ASAH2: variants seen among roughly 807,000 people sequenced by gnomAD.
ASAH2 encodes the protein neutral ceramidase.
A neutral mutation model predicts 82.9 loss-of-function variants in ASAH2; 58 were observed. That is an observed-to-expected ratio of 0.70 (90% CI 0.57 to 0.87). ASAH2 has a LOEUF of 0.87. Ranked by LOEUF, ASAH2 falls within the 40% of genes least tolerant of loss-of-function variation. The pLI is 0.00. For synonymous variants in ASAH2, 276 were observed against 289.7 expected (o/e 0.95, Z 0.48); for missense variants, 779 against 834.0 (o/e 0.93, Z 0.81).
chr10:50,203,570 T>C, intron 15 of ASAH2, 70 bp downstream of exon 15: 1 of 1,295,694 alleles, frequency 7.7e-7, no homozygotes, highest in Non-Finnish European at 1.1e-6. Flanking sequence ...TATAGGATCA[T>C]AGGGATAGGA....
chr10:50,203,004 G>T, intron 15 of ASAH2, 80 bp from the exon 16 acceptor site: 1 of 970,752 alleles, frequency 1.0e-6, no homozygotes, highest in Non-Finnish European at 1.7e-6. Context: ...TAACACACAA[G>T]CATTGATTAC....
chr10:50,213,354 G>A (rs1232668100), intron 9 of ASAH2, among the ~76,000 whole-genome samples: 15 of 152,088 alleles, frequency 9.9e-5, no homozygotes, highest in Non-Finnish European at 2.1e-4. Context: ...GCTAAGACTT[G>A]AAGCCAGGTC....
chr10:50,210,254 A>T (rs1429647978), intron 12 of ASAH2, among the ~76,000 whole-genome samples: 1 of 152,302 alleles, frequency 6.6e-6, no homozygotes, highest in South Asian at 2.1e-4. Context: ...TAATCCCAGC[A>T]CTCTGGGAGG....
At chr10:50,216,494 A>G (rs913674817) in intron 8 of ASAH2, among the ~76,000 whole-genome samples, 3 of 152,228 alleles carry the variant, frequency 2.0e-5, no homozygotes, top group African/African-American at 7.2e-5. Flanking sequence ...ACAACAAATT[A>G]TAAAATGCTG....
At chr10:50,243,893 C>T (rs752744263) in intron 3 of ASAH2, among the ~76,000 whole-genome samples, 9 of 152,170 alleles carry the variant, frequency 5.9e-5, no homozygotes, top group East Asian at 1.9e-4. Flanking sequence ...GAGGGTACCT[C>T]GCCCTGGCTT....
intron 7 of ASAH2, among the ~76,000 whole-genome samples, chr10:50,223,514 G>T (rs1483625959): frequency 6.6e-6 from 1 of 152,086 alleles, no homozygotes; most frequent in Non-Finnish European, 1.5e-5. Flanking sequence ...CGACCTAAAC[G>T]CCCACAAATA....
At chr10:50,200,662 G>C (rs1321820526) in intron 16 of ASAH2, among the ~76,000 whole-genome samples, 2 of 151,988 alleles carry the variant, frequency 1.3e-5, no homozygotes, top group East Asian at 1.9e-4. Context: ...TAGACCCCCA[G>C]CTTCCAGTGA....
chr10:50,235,630 T>C (rs930958688), intron 5 of ASAH2, among the ~76,000 whole-genome samples: 17 of 152,240 alleles, frequency 1.1e-4, no homozygotes, highest in Middle Eastern at 6.8e-3. Flanking sequence ...CAAACCAAAA[T>C]GTTTTCTGTC....
chr10:50,222,101 T>C (rs2133215780), intron 7 of ASAH2, among the ~76,000 whole-genome samples: 1 of 152,282 alleles, frequency 6.6e-6, no homozygotes, highest in East Asian at 1.9e-4. Context: ...ATGGCAGCTG[T>C]ATCATTCATT....
intron 3 of ASAH2, among the ~76,000 whole-genome samples, chr10:50,244,417 C>T (rs1237252342): frequency 1.3e-5 from 2 of 152,226 alleles, no homozygotes; most frequent in Admixed American, 1.3e-4. Flanking sequence ...CATTACCCCT[C>T]CTGGGAGTGT....
intron 17 of ASAH2, among the ~76,000 whole-genome samples, chr10:50,197,233 G>A (rs1166092373): frequency 1.3e-5 from 2 of 151,726 alleles, no homozygotes; most frequent in Non-Finnish European, 2.9e-5. Context: ...CTTTGTACAG[G>A]GGCCTAACAT....
Position 50,202,937 on chromosome 10 carries a change from G to A in ASAH2, c.1666-13C>T. On this transcript the variant is annotated splice_polypyrimidine_tract_variant and intron_variant, in intron 15 of 20. Coordinates refer to ENST00000682911, the MANE Select transcript of ASAH2 (RefSeq NM_019893.4). The stretch of plus-strand genomic sequence containing the variant: ...GAGATGCAAATTCCTAGGAGAGAAA[G>A]GTAAAACCCAATAAAATTACTCTTC... 1.9e-6 allele frequency: 3 copies of A among 1,543,096 alleles called. No individual in the cohort carries two copies. Among genetic ancestry groups the A allele is most frequent in the African/African-American group, 1.4e-5 (1 of 73,640 alleles).
intron 12 of ASAH2, among the ~76,000 whole-genome samples, chr10:50,210,564 C>G (rs1358761186): frequency 2.0e-5 from 3 of 151,874 alleles, no homozygotes; most frequent in African/African-American, 7.3e-5. Flanking sequence ...GTGAAAGAAG[C>G]CAACAAAAAA....
intron 11 of ASAH2, 29 bp from the exon 12 acceptor site, chr10:50,210,933 A>G: frequency 6.2e-7 from 1 of 1,610,444 alleles, no homozygotes; most frequent in South Asian, 1.1e-5. Flanking sequence ...AAACAAAACA[A>G]AAATGAAAAA....
chr10:50,200,386 T>G (rs1254131559), intron 16 of ASAH2, among the ~76,000 whole-genome samples: 1 of 150,922 alleles, frequency 6.6e-6, no homozygotes, highest in East Asian at 2.0e-4. Context: ...ACTTACTCCA[T>G]GCTACTCAAC....
chr10:50,234,643 C>T, intron 5 of ASAH2, 91 bp from the exon 6 acceptor site: 3 of 1,575,108 alleles, frequency 1.9e-6, no homozygotes, highest in Non-Finnish European at 2.6e-6. Flanking sequence ...GCCCTGTGAA[C>T]AATTTCCTTT....
chr10:50,249,275 A>G (rs1432882094), intron 1 of ASAH2, among the ~76,000 whole-genome samples: 6 of 152,210 alleles, frequency 3.9e-5, no homozygotes, highest in Admixed American at 2.0e-4. Flanking sequence ...TTCAGTGATC[A>G]GAAGGATCCC....
At chr10:50,198,746 A>T (rs1468752478) in intron 17 of ASAH2, among the ~76,000 whole-genome samples, 1 of 152,052 alleles carries the variant, frequency 6.6e-6, no homozygotes, top group Non-Finnish European at 1.5e-5. Context: ...GGGAGAAATG[A>T]TATCTCCTTA....
At chr10:50,246,491 G>A (rs981631240) in intron 2 of ASAH2, among the ~76,000 whole-genome samples, 2 of 152,122 alleles carry the variant, frequency 1.3e-5, no homozygotes, top group South Asian at 2.1e-4. Flanking sequence ...GTGTCACAAG[G>A]CATTTGTAGT....
Sources: gnomAD v4.1 joint callset for allele counts (sites outside exome capture counted in the v4.1 genomes callset) on GRCh38, gnomAD v4.1.1 for gene constraint, MANE v1.5 for transcripts, NCBI Gene and HGNC (gene_info 2026-07-23, HGNC 2026-07-21) for gene names.